The following STXBP6 variants were observed in gnomAD, a reference collection of about 807,000 sequenced individuals.
STXBP6 encodes the protein syntaxin-binding protein 6.
In STXBP6, 21 loss-of-function variants were observed where a neutral mutation model predicts 26.9. The observed-to-expected ratio is 0.78, with a 90% confidence interval of 0.55 to 1.12. STXBP6 has a LOEUF of 1.12. STXBP6 is among the 50% of genes most tolerant of loss of function. The probability of loss-of-function intolerance (pLI) is 0.00; values close to 1 mark genes in which losing one functional copy is unlikely to be tolerated. For synonymous variants in STXBP6, 97 were observed against 92.6 expected, an observed-to-expected ratio of 1.05 and a Z score of -0.27; for missense variants, 232 against 257.9, an observed-to-expected ratio of 0.90 and a Z score of 0.69.
chr14:24,895,830 G>A (rs1187984347), intron 2 of STXBP6, among the ~76,000 whole-genome samples: 1 of 152,188 alleles, frequency 6.6e-6, no homozygotes, highest in Non-Finnish European at 1.5e-5. Context: ...CTCTGAGCAT[G>A]AGGTCCTCAC....
intron 2 of STXBP6, among the ~76,000 whole-genome samples, chr14:24,935,991 A>C (rs1010711030): frequency 3.9e-5 from 6 of 152,244 alleles, no homozygotes; most frequent in Non-Finnish European, 7.3e-5. Context: ...ATGTGTGTAG[A>C]ATCACAAAGC....
chr14:24,882,266 CT>C (rs2070390187), intron 2 of STXBP6, among the ~76,000 whole-genome samples: 1 of 147,732 alleles, frequency 6.8e-6, no homozygotes, highest in Non-Finnish European at 1.5e-5. Context: ...GTAGTCCCAG[CT>C]ACTTGGGAGG....
chr14:24,834,358 TCA>T (rs1050766765), intron 4 of STXBP6, among the ~76,000 whole-genome samples: 1 of 152,188 alleles, frequency 6.6e-6, no homozygotes, highest in Non-Finnish European at 1.5e-5. Context: ...TTTAACAGAA[TCA>T]CACCTAAAAG....
At chr14:24,892,500 C>T (rs2070827686) in intron 2 of STXBP6, among the ~76,000 whole-genome samples, 1 of 152,128 alleles carries the variant, frequency 6.6e-6, no homozygotes. Flanking sequence ...CATGGAGTTG[C>T]ATCCTTAGAA....
At chr14:24,956,088 T>C (rs181739358) in intron 2 of STXBP6, among the ~76,000 whole-genome samples, 47 of 151,834 alleles carry the variant, frequency 3.1e-4, no homozygotes, top group African/African-American at 1.1e-3. Flanking sequence ...CACAAGAGAG[T>C]CAAATTTTCA....
intron 2 of STXBP6, among the ~76,000 whole-genome samples, chr14:24,861,682 A>T (rs2069542810): frequency 6.6e-6 from 1 of 152,236 alleles, no homozygotes; most frequent in Non-Finnish European, 1.5e-5. Flanking sequence ...ATGCTTTCAG[A>T]ACAGGGAAAC....
At chr14:24,857,840 G>A (rs1298975193) in intron 2 of STXBP6, among the ~76,000 whole-genome samples, 1 of 151,874 alleles carries the variant, frequency 6.6e-6, no homozygotes, top group Non-Finnish European at 1.5e-5. Context: ...TGCTAAAGAT[G>A]GACAGCATCA....
rs143112205 is a variant in STXBP6, at chr14:24,888,032, C to T, written c.155-30875G>A. 4.7e-4 allele frequency among the ~76,000 whole-genome samples: 72 copies of T among 152,300 alleles called. 1 individual carries two copies. Among genetic ancestry groups the T allele is most frequent in the African/African-American group, 1.7e-3 (69 of 41,552 alleles). Reference sequence around the variant, plus strand: ...AGTACACAATTTTAATAATTAATCACGTGATGATAAGGAAAGCAAAGCCAA... The same window carrying T: ...AGTACACAATTTTAATAATTAATCATGTGATGATAAGGAAAGCAAAGCCAA... On this transcript the variant is annotated intron_variant, in intron 2 of 5. Coordinates refer to ENST00000323944, the MANE Select transcript of STXBP6 (RefSeq NM_001394410.1).
In STXBP6 at chr14:24,970,405, C is replaced by T. The variant is rs937640308; in HGVS notation, c.154+4260G>A. Among the ~76,000 whole-genome samples, 3 of 152,260 alleles carry T rather than the reference C, an allele frequency of 2.0e-5. No individual in the cohort carries two copies. In the East Asian group the frequency reaches 5.8e-4, roughly 29 times the overall value. On this transcript the variant is annotated intron_variant, in intron 2 of 5. Coordinates refer to ENST00000323944, the MANE Select transcript of STXBP6 (RefSeq NM_001394410.1). Reference sequence around the variant, plus strand: ...CATCACTGCAAAAAATTGCCTCAGGCCCCTTCTCAGTCAATCCTGCCACTA... The same window carrying T: ...CATCACTGCAAAAAATTGCCTCAGGTCCCTTCTCAGTCAATCCTGCCACTA...
intron 1 of STXBP6, among the ~76,000 whole-genome samples, chr14:25,008,619 G>A (rs1018675013): frequency 6.6e-6 from 1 of 152,162 alleles, no homozygotes. Context: ...TTAACTTGGT[G>A]TATGGAGAAC....
intron 1 of STXBP6, among the ~76,000 whole-genome samples, chr14:25,045,984 T>C (rs1011344048): frequency 3.9e-5 from 6 of 152,310 alleles, no homozygotes; most frequent in African/African-American, 1.4e-4. Context: ...AATGAGCTAG[T>C]GCAGTATAAC....
intron 2 of STXBP6, among the ~76,000 whole-genome samples, chr14:24,901,162 T>C (rs1444407452): frequency 1.3e-5 from 2 of 152,156 alleles, no homozygotes; most frequent in Non-Finnish European, 2.9e-5. Flanking sequence ...TTTCTCTGTT[T>C]TTGGCTTTTT....
intron 2 of STXBP6, among the ~76,000 whole-genome samples, chr14:24,863,581 G>A (rs1721927293): frequency 6.6e-6 from 1 of 152,132 alleles, no homozygotes; most frequent in Non-Finnish European, 1.5e-5. Flanking sequence ...GAAATATCAA[G>A]AGATATCAAG....
intron 2 of STXBP6, among the ~76,000 whole-genome samples, chr14:24,971,753 C>A (rs2073912775): frequency 6.6e-6 from 1 of 152,218 alleles, no homozygotes; most frequent in Non-Finnish European, 1.5e-5. Context: ...AGGCCAAATT[C>A]TCTGCATACA....
At chr14:24,917,858 A>G (rs1256390168) in intron 2 of STXBP6, among the ~76,000 whole-genome samples, 7 of 152,104 alleles carry the variant, frequency 4.6e-5, no homozygotes, top group Non-Finnish European at 1.5e-5. Flanking sequence ...TACAACATGG[A>G]TGACTTTTTA....
intron 2 of STXBP6, among the ~76,000 whole-genome samples, chr14:24,929,578 A>G (rs944833499): frequency 2.9e-4 from 44 of 152,240 alleles, no homozygotes; most frequent in Non-Finnish European, 1.2e-4. Context: ...CAAGGAAGCT[A>G]ATAAACATTT....
chr14:25,022,814 A>T (rs543180716), intron 1 of STXBP6, among the ~76,000 whole-genome samples: 7 of 152,176 alleles, frequency 4.6e-5, no homozygotes, highest in African/African-American at 1.7e-4. Context: ...CTGACTCACA[A>T]ATTCAACTGC....
At chr14:24,924,337 TA>T (rs961904773) in intron 2 of STXBP6, among the ~76,000 whole-genome samples, 1 of 151,994 alleles carries the variant, frequency 6.6e-6, no homozygotes, top group Non-Finnish European at 1.5e-5. Context: ...TATTCTAGGA[TA>T]AAAAAAGACC....
intron 2 of STXBP6, among the ~76,000 whole-genome samples, chr14:24,936,378 G>C (rs1322172419): frequency 6.6e-6 from 1 of 152,182 alleles, no homozygotes; most frequent in Non-Finnish European, 1.5e-5. Flanking sequence ...GCTGAGTAAT[G>C]CCACCTTCAG....
Sources: allele counts gnomAD v4.1 joint callset (sites outside exome capture counted in the v4.1 genomes callset), GRCh38; gene constraint gnomAD v4.1.1; transcripts MANE v1.5; gene names NCBI Gene and HGNC (gene_info 2026-07-23, HGNC 2026-07-21).